CYP4B1: variants seen among roughly 807,000 people sequenced by gnomAD.
CYP4B1 encodes the protein cytochrome P450 family 4 subfamily B member 1, also known as cytochrome P450 4B1.
Under a neutral mutation model 54.0 loss-of-function variants are expected in CYP4B1, and 45 were observed. The ratio of observed to expected loss-of-function variants is 0.83; its 90% CI spans 0.66 to 1.07. The LOEUF (loss-of-function observed/expected upper bound fraction) is 1.07, where lower values mean the gene tolerates loss of function less well. Ranked by LOEUF, CYP4B1 falls within the 50% of genes least tolerant of loss-of-function variation. CYP4B1 has a pLI of 0.00. For missense variants in CYP4B1, 656 were observed against 655.4 expected (o/e 1.00, Z -0.01); for synonymous variants, 248 against 247.5 (o/e 1.00, Z -0.02).
At position 46,817,064 on chromosome 1, in the gene CYP4B1, A is replaced by G. The variant is rs1450593450; in HGVS notation, c.1090A>G (p.Met364Val). 3 of 1,613,826 alleles carry G rather than the reference A, an allele frequency of 1.9e-6. No homozygotes were observed. The highest frequency in any genetic ancestry group is 2.7e-5 in the African/African-American group (2 of 74,876). The stretch of plus-strand genomic sequence containing the variant: ...TGCTGGCAGGGATGATCTGGGCAAA[A>G]TGACTTATCTGACCATGTGCATCAA... ...DFFQWDDLGKMTYLTMCIKES... is the reference protein window; with the variant it reads ...DFFQWDDLGKVTYLTMCIKES... Residue 364 changes from methionine to valine, a missense_variant, in exon 9 of 12, where the codon ATG (methionine) becomes GTG (valine). By Grantham distance (21) the Met-to-Val change is conservative (BLOSUM62 1). Transcript: ENST00000371923.
At chr1:46,818,507 A>C (rs533287100) in intron 11 of CYP4B1, 124 bp from the exon 12 acceptor site, 9 of 1,048,708 alleles carry the variant, frequency 8.6e-6, no homozygotes, top group Non-Finnish European at 1.3e-5. Context: ...GCCCAGGTCA[A>C]CCAATCTATC....
chr1:46,816,916 A>C (rs954663945), intron 8 of CYP4B1, 132 bp from the exon 9 acceptor site: 2 of 1,039,488 alleles, frequency 1.9e-6, no homozygotes, highest in Non-Finnish European at 2.9e-6. Context: ...GGCCAGGGGC[A>C]CTTGGAACTC....
rs562588511 is a variant in CYP4B1 at position 46,817,901 on chromosome 1, C to T, written c.1208-64C>T. ...TAAGGGGTCACTAGGGGACTCTGAC[C>T]TTATGTGGAGGTAGGCCTGGCTACC... is the stretch of plus-strand genomic sequence containing the variant. On this transcript the variant is annotated intron_variant, in intron 9 of 11. Coordinates refer to ENST00000371923, the MANE Select transcript of CYP4B1 (RefSeq NM_001099772.2). 8 of 1,468,454 alleles carry T rather than the reference C, an allele frequency of 5.4e-6. No individual in the cohort carries two copies. In the South Asian group the frequency reaches 6.8e-5, roughly 13 times the overall value. 91.0% of individuals were successfully genotyped at this position (1,468,454 alleles called of 1,614,324 possible). A position where few individuals can be genotyped will look rare whatever the true frequency, so the allele number is the denominator to read the frequency against.
rs1679152789 is a variant in CYP4B1 at position 46,812,538 on chromosome 1, A to G, written c.410A>G (p.His137Arg). Residue 137 changes from histidine to arginine, a missense_variant, in exon 4 of 12, where the codon CAC becomes CGC. Transcript: ENST00000371923. ...LVLEGPKWLQHRKLLTPGFHY... is the reference protein window; with the variant it reads ...LVLEGPKWLQRRKLLTPGFHY... ...CTTGAGGGGCCCAAGTGGTTGCAGC[A>G]CCGCAAGCTGCTCACACCTGGCTTT... 4.3e-6 allele frequency: 7 copies of G among 1,613,896 alleles called. No homozygotes were observed. The highest frequency in any genetic ancestry group is 1.7e-5 in the Admixed American group (1 of 59,972).
At chr1:46,807,481 A>C (rs756027599) in intron 1 of CYP4B1, among the ~76,000 whole-genome samples, 3 of 152,208 alleles carry the variant, frequency 2.0e-5, no homozygotes, top group Non-Finnish European at 4.4e-5. Context: ...GGAAGTTGGC[A>C]AGGAAAACCC....
intron 1 of CYP4B1, among the ~76,000 whole-genome samples, chr1:46,808,616 T>G (rs71638017): frequency 1.3e-5 from 2 of 152,090 alleles, no homozygotes; most frequent in African/African-American, 4.8e-5. Context: ...CTCCCATTAC[T>G]GGGTATATAC....
chr1:46,800,239 T>C (rs867305367), intron 1 of CYP4B1, among the ~76,000 whole-genome samples: 5,089 of 20,196 alleles, frequency 0.25, 908 homozygotes, highest in Non-Finnish European at 0.39. Context: ...CTTTCTTTCT[T>C]TCCTTCCTTC....
intron 9 of CYP4B1, 197 bp downstream of exon 9, chr1:46,817,378 A>G: frequency 1.6e-6 from 1 of 629,564 alleles, no homozygotes; most frequent in South Asian, 2.0e-5. Flanking sequence ...CTTCTGTAAA[A>G]TGGGGATGAG....
chr1:46,818,062 G>C (rs4646497), intron 10 of CYP4B1, 33 bp downstream of exon 10: 5 of 1,613,542 alleles, frequency 3.1e-6, no homozygotes, highest in Admixed American at 1.7e-5. Flanking sequence ...GATCAGACAG[G>C]GTGGGGGACT....
intron 1 of CYP4B1, among the ~76,000 whole-genome samples, chr1:46,803,927 C>T (rs945904074): frequency 3.9e-5 from 6 of 152,116 alleles, no homozygotes; most frequent in Non-Finnish European, 5.9e-5. Flanking sequence ...AGTGTACGAA[C>T]ATGTGTATGA....
chr1:46,800,799 A>T (rs995505443), intron 1 of CYP4B1, among the ~76,000 whole-genome samples: 3 of 152,132 alleles, frequency 2.0e-5, no homozygotes, highest in African/African-American at 7.2e-5. Context: ...ACCCTGTAAC[A>T]TGCATCCTGA....
chr1:46,802,818 G>A (rs1187209851), intron 1 of CYP4B1, among the ~76,000 whole-genome samples: 1 of 152,160 alleles, frequency 6.6e-6, no homozygotes, highest in Non-Finnish European at 1.5e-5. Context: ...CTCTCGGCGT[G>A]GGGAGTCAGG....
At chr1:46,804,434 CTT>C (rs75345024) in intron 1 of CYP4B1, among the ~76,000 whole-genome samples, 21 of 141,308 alleles carry the variant, frequency 1.5e-4, no homozygotes, top group Non-Finnish European at 1.2e-4. Context: ...CATTTTCTTT[CTT>C]TTTTTTTTTT....
chr1:46,815,059 C>A lies in CYP4B1; in HGVS notation c.883-15C>A. On this transcript the variant is annotated splice_polypyrimidine_tract_variant and intron_variant, in intron 7 of 11. Transcript: ENST00000371923. The stretch of plus-strand genomic sequence containing the variant: ...CAATACCTCAAGCTGTCCTATTATG[C>A]CTTCCCTAACCCAGGATGAAGATGA... 1 of 1,610,654 alleles carries A rather than the reference C, an allele frequency of 6.2e-7. No homozygotes were observed. Among genetic ancestry groups the A allele is most frequent in the East Asian group, 2.2e-5 (1 of 44,520 alleles).
At chr1:46,812,412 G>A in intron 3 of CYP4B1, 84 bp from the exon 4 acceptor site, 1 of 1,490,204 alleles carries the variant, frequency 6.7e-7, no homozygotes, top group Non-Finnish European at 9.1e-7. Flanking sequence ...TCCAGGCTCA[G>A]GGATGGAGTC....
chr1:46,799,326 C>T, intron 1 of CYP4B1, 65 bp downstream of exon 1: 1 of 1,463,528 alleles, frequency 6.8e-7, no homozygotes, highest in Non-Finnish European at 9.3e-7. Flanking sequence ...AGAATCAGGC[C>T]TAATTCCCAG....
chr1:46,800,237 CT>C (rs1175394186), intron 1 of CYP4B1, among the ~76,000 whole-genome samples: 2 of 36,020 alleles, frequency 5.6e-5, no homozygotes, highest in African/African-American at 1.5e-4. Context: ...TTCTTTCTTT[CT>C]TTCCTTCCTT....
chr1:46,813,947 C>T lies in CYP4B1; in HGVS notation c.659C>T (p.Thr220Ile). 1 of 1,614,198 alleles carries T rather than the reference C, an allele frequency of 6.2e-7. No homozygotes were observed. Among genetic ancestry groups the T allele is most frequent in the Non-Finnish European group, 8.5e-7 (1 of 1,180,026 alleles). The change falls in exon 6 of 12, where the codon ACT (threonine) becomes ATT (isoleucine). Residue 220 changes from threonine (T) to isoleucine (I), a missense_variant. Coordinates refer to ENST00000371923, the MANE Select transcript of CYP4B1 (RefSeq NM_001099772.2). ...SSYYLAVSDL[T>I]LLMQQRLVSF... ...TACTACCTTGCAGTCAGCGATCTCA[C>T]TCTGTTGATGCAGCAGCGCCTTGTG...
At chr1:46,809,585 A>G (rs1489644239) in intron 1 of CYP4B1, among the ~76,000 whole-genome samples, 1 of 152,204 alleles carries the variant, frequency 6.6e-6, no homozygotes, top group Non-Finnish European at 1.5e-5. Flanking sequence ...GTGAGGATTC[A>G]ATCAGGTCAA....
Sources: allele counts gnomAD v4.1 joint callset (sites outside exome capture counted in the v4.1 genomes callset), GRCh38; gene constraint gnomAD v4.1.1; transcripts MANE v1.5; gene names NCBI Gene and HGNC (gene_info 2026-07-23, HGNC 2026-07-21).